Variants in HOXB8 observed in about 807,000 individuals in gnomAD.
HOXB8 encodes homeobox B8.
HOXB8 carries 17 observed loss-of-function variants against 22.2 expected under a neutral mutation model. That is an observed-to-expected ratio of 0.77 (90% CI 0.53 to 1.15). The LOEUF (loss-of-function observed/expected upper bound fraction) is 1.15, where lower values mean the gene tolerates loss of function less well. Ranked by LOEUF, HOXB8 falls within the 50% of genes most tolerant of loss-of-function variation. HOXB8 has a pLI of 0.00. For synonymous variants in HOXB8, 156 were observed against 144.6 expected, an observed-to-expected ratio of 1.08 and a Z score of -0.57; for missense variants, 287 against 323.8, an observed-to-expected ratio of 0.89 and a Z score of 0.87.
chr17:48,613,643 C>T, intron 1 of HOXB8, 134 bp from the exon 2 acceptor site: 2 of 304,172 alleles, frequency 6.6e-6, no homozygotes, highest in East Asian at 5.7e-5. Flanking sequence ...CTACCCCGTG[C>T]GGGGGCGGGG....
chr17:48,614,433 A>T lies in HOXB8; in HGVS notation c.272T>A (p.Leu91Gln). The T allele has an allele frequency of 1.2e-6, 2 of 1,613,924 alleles. No homozygotes were observed. Among genetic ancestry groups the T allele is most frequent in the Non-Finnish European group, 1.7e-6 (2 of 1,179,884 alleles). Reference protein sequence around the residue: ...DPGNFYGYDPLQRQSLFGAQD... With the variant: ...DPGNFYGYDPQQRQSLFGAQD... ...CGCACCGAATAGGCTCTGGCGTTGC[A>T]GCGGGTCGTAGCCGTAGAAATTGCC... The change falls in exon 1 of 2, where the codon CTG (leucine) becomes CAG (glutamine). Residue 91 changes from leucine to glutamine, a missense_variant. Physicochemically the swap from Leu to Gln is moderately radical, Grantham distance 113. This residue lies in a region of HOXB8 where 229 missense variants were observed against 239.8 expected (regional missense o/e 0.95). Transcript: ENST00000239144. The surrounding 1 kb of genome is among the most constrained non-coding windows in gnomAD (Gnocchi z 4.1).
At chr17:48,613,545 G>A (rs373079886) in intron 1 of HOXB8, 36 bp from the exon 2 acceptor site, 2 of 1,022,142 alleles carry the variant, frequency 2.0e-6, no homozygotes, top group African/African-American at 1.6e-5. Flanking sequence ...AGAGGGGAGG[G>A]GAGGGTGGGG....
chr17:48,613,269 T>A lies in HOXB8; in HGVS notation c.665A>T (p.Lys222Ile). ...CTCTGGGGCCCGCTCCAGCTTCTGT[T>A]TCTCCAGCTCCTCCTGCTCGCATTT... is the stretch of plus-strand genomic sequence containing the variant. Reference protein sequence around the residue: ...SSKCEQEELEKQKLERAPEAA... With the variant: ...SSKCEQEELEIQKLERAPEAA... Residue 222 changes from lysine to isoleucine, a missense_variant, in exon 2 of 2, where the codon AAA becomes ATA. By Grantham distance (102) the Lys-to-Ile change is moderately radical. Coordinates refer to ENST00000239144, the MANE Select transcript of HOXB8 (RefSeq NM_024016.4). 2.5e-6 allele frequency: 4 copies of A among 1,613,808 alleles called. No individual in the cohort carries two copies. The South Asian group carries it at 4.4e-5, about 18-fold the overall frequency.
In HOXB8 at chr17:48,613,286, C is replaced by A; in HGVS notation, c.648G>T (p.Glu216Asp). ...GCTTCTGTTTCTCCAGCTCCTCCTG[C>A]TCGCATTTGCTGCTGGGGAACTTGT... Reference protein sequence around the residue: ...NKDKFPSSKCEQEELEKQKLE... With the variant: ...NKDKFPSSKCDQEELEKQKLE... Residue 216 changes from glutamate to aspartate, a missense_variant, in exon 2 of 2, where the codon GAG becomes GAT. Physicochemically the swap from Glu to Asp is conservative, Grantham distance 45. Coordinates refer to ENST00000239144, the MANE Select transcript of HOXB8 (RefSeq NM_024016.4). 1 of 1,614,066 alleles carries A rather than the reference C, an allele frequency of 6.2e-7. No individual in the cohort carries two copies. Among genetic ancestry groups the A allele is most frequent in the African/African-American group, 1.3e-5 (1 of 75,020 alleles).
chr17:48,613,890 C>A (rs1274341523), intron 1 of HOXB8, among the ~76,000 whole-genome samples: 1 of 152,036 alleles, frequency 6.6e-6, no homozygotes, highest in Non-Finnish European at 1.5e-5. Context: ...CTTGAAAAGC[C>A]CCCAGAGCCT....
In HOXB8 at chr17:48,613,135, C is replaced by T. The variant is rs970577837; in HGVS notation, c.*67G>A. On this transcript the variant is annotated 3_prime_UTR_variant, in exon 2 of 2. Transcript: ENST00000239144. ...CAGAGCTCTCTCGGGCAGGGGCGCG[C>T]GGCGGCGGCGCGGCCGGGACCCGCG... is the stretch of plus-strand genomic sequence containing the variant. 1.3e-4 allele frequency: 142 copies of T among 1,113,278 alleles called. No individual in the cohort carries two copies. In the African/African-American group the frequency reaches 2.2e-3, roughly 17 times the overall value. The allele number at this position is 1,113,278 out of a possible 1,614,324, so 69.0% of individuals were successfully genotyped here.
Position 48,613,255 on chromosome 17 carries a change from G to T in HOXB8, c.679C>A (p.Arg227=), listed in dbSNP as rs373819933. 19 of 1,613,450 alleles carry T rather than the reference G, an allele frequency of 1.2e-5. No homozygotes were observed. The African/African-American group carries it at 1.6e-4, about 14-fold the overall frequency. Residue 227 remains arginine, a synonymous_variant, in exon 2 of 2, where the codon CGG becomes AGG. Transcript: ENST00000239144. ...CCCTCGTCCGCCGCCTCTGGGGCCC[G>T]CTCCAGCTTCTGTTTCTCCAGCTCC... ...QEELEKQKLE[R]APEAADEGDA...
chr17:48,613,234 C>T lies in HOXB8; in HGVS notation c.700G>A (p.Glu234Lys), dbSNP rs757836046. Residue 234 changes from glutamate to lysine, a missense_variant, in exon 2 of 2, where the codon GAG becomes AAG. Glu to Lys is a moderately conservative substitution (Grantham distance 56, BLOSUM62 1). Transcript: ENST00000239144. ...TTGTCGCCCTTCTGCGCGTCGCCCT[C>T]GTCCGCCGCCTCTGGGGCCCGCTCC... is the stretch of plus-strand genomic sequence containing the variant. ...KLERAPEAAD[E>K]GDAQKGDKK The T allele has an allele frequency of 3.1e-6, 5 of 1,612,828 alleles. No individual in the cohort carries two copies. Among genetic ancestry groups the T allele is most frequent in the Non-Finnish European group, 3.4e-6 (4 of 1,179,290 alleles).
rs1226225511 is a variant in HOXB8, at chr17:48,614,713, A to C, written c.-9T>G. 8.7e-7 allele frequency: 1 copy of C among 1,148,064 alleles called. No individual in the cohort carries two copies. The highest frequency in any genetic ancestry group is 2.1e-5 in the African/African-American group (1 of 48,304). 71.1% of individuals were successfully genotyped at this position (1,148,064 alleles called of 1,614,324 possible). A position where few individuals can be genotyped will look rare whatever the true frequency, so the allele number is the denominator to read the frequency against. The stretch of plus-strand genomic sequence containing the variant: ...ACGAAATAAGAGCTCATTTTATTGA[A>C]TTTTGAGGCGGCGGCGGCGGCGGAG... On this transcript the variant is annotated 5_prime_UTR_variant, in exon 1 of 2. Transcript: ENST00000239144. This position sits in a 1 kb window ranked among gnomAD's most constrained non-coding sequence, Gnocchi z 4.1.
rs755238585 is a variant in HOXB8, at chr17:48,613,508, T to C, written c.426A>G (p.Ala142=). ...TQLFPWMRPQ[A]AAGRRRGRQT... is the part of the protein sequence containing the mutation. ...GTCGGCCTCGCCTGCGTCCGGCGGCTGCTGGGAATGGGGGAAAGGGCGAGA... is the reference window on the plus strand; with the variant it reads ...GTCGGCCTCGCCTGCGTCCGGCGGCCGCTGGGAATGGGGGAAAGGGCGAGA... The change falls in exon 2 of 2, where the codon GCA becomes GCG. Residue 142 remains alanine (A), a splice_region_variant and synonymous_variant. Coordinates refer to ENST00000239144, the MANE Select transcript of HOXB8 (RefSeq NM_024016.4). The C allele has an allele frequency of 1.8e-6, 2 of 1,090,150 alleles. No homozygotes were observed. Among genetic ancestry groups the C allele is most frequent in the Non-Finnish European group, 2.3e-6 (2 of 877,792 alleles). The allele number at this position is 1,090,150 out of a possible 1,614,324, so 67.5% of individuals were successfully genotyped here.
In HOXB8 at chr17:48,614,507, C is replaced by G; in HGVS notation, c.198G>C (p.Thr66=). 1.9e-5 allele frequency: 31 copies of G among 1,613,968 alleles called. No individual in the cohort carries two copies. The highest frequency in any genetic ancestry group is 2.5e-5 in the Non-Finnish European group (30 of 1,179,940). The change falls in exon 1 of 2, where the codon ACG becomes ACC. Residue 66 remains threonine, a synonymous_variant. Coordinates refer to ENST00000239144, the MANE Select transcript of HOXB8 (RefSeq NM_024016.4). The surrounding 1 kb of genome is among the most constrained non-coding windows in gnomAD (Gnocchi z 4.1). ...EFYHGPSSLS[T]APYQQNPCAV... ...CGCACGGGTTCTGCTGGTAGGGAGCCGTGGACAGCGACGACGGCCCGTGGT... is the reference window on the plus strand; with the variant it reads ...CGCACGGGTTCTGCTGGTAGGGAGCGGTGGACAGCGACGACGGCCCGTGGT...
At position 48,614,321 on chromosome 17, in the gene HOXB8, G is replaced by C; in HGVS notation, c.384C>G (p.Ser128Arg). ...LGEEAEGSEQSPSPTQLFPWM... is the reference protein window; with the variant it reads ...LGEEAEGSEQRPSPTQLFPWM... ...AGGGGAAGAGCTGTGTGGGCGACGG[G>C]CTCTGCTCGGAGCCCTCGGCCTCCT... The change falls in exon 1 of 2, where the codon AGC (serine) becomes AGG (arginine). Residue 128 changes from serine to arginine, a missense_variant. Physicochemically the swap from Ser to Arg is moderately radical, Grantham distance 110 (BLOSUM62 -1). Coordinates refer to ENST00000239144, the MANE Select transcript of HOXB8 (RefSeq NM_024016.4). The surrounding 1 kb of genome is among the most constrained non-coding windows in gnomAD (Gnocchi z 4.1). 6.4e-7 allele frequency: 1 copy of C among 1,571,316 alleles called. No homozygotes were observed. The highest frequency in any genetic ancestry group is 8.6e-7 in the Non-Finnish European group (1 of 1,167,272).
Position 48,614,213 on chromosome 17 carries a change from C to T in HOXB8, c.424+68G>A. 4.5e-6 allele frequency: 1 copy of T among 221,778 alleles called. No individual in the cohort carries two copies. Among genetic ancestry groups the T allele is most frequent in the Non-Finnish European group, 8.0e-6 (1 of 125,084 alleles). 13.7% of individuals were successfully genotyped at this position (221,778 alleles called of 1,614,324 possible). A position where few individuals can be genotyped will look rare whatever the true frequency, so the allele number is the denominator to read the frequency against. On this transcript the variant is annotated intron_variant, in intron 1 of 1. Coordinates refer to ENST00000239144, the MANE Select transcript of HOXB8 (RefSeq NM_024016.4). The surrounding 1 kb of genome is among the most constrained non-coding windows in gnomAD (Gnocchi z 4.1). Reference sequence around the variant, plus strand: ...TCTTCCAGAAGCTGGAGGAAATGCGCCCCGGCCTGCCAGGCCTTGGGCCCT... The same window carrying T: ...TCTTCCAGAAGCTGGAGGAAATGCGTCCCGGCCTGCCAGGCCTTGGGCCCT...
chr17:48,614,212 G>C lies in HOXB8; in HGVS notation c.424+69C>G, dbSNP rs1050030331. ...GTCTTCCAGAAGCTGGAGGAAATGC[G>C]CCCCGGCCTGCCAGGCCTTGGGCCC... On this transcript the variant is annotated intron_variant, in intron 1 of 1. Transcript: ENST00000239144. The surrounding 1 kb of genome is among the most constrained non-coding windows in gnomAD (Gnocchi z 4.1). 2.1e-5 allele frequency: 5 copies of C among 234,948 alleles called. No homozygotes were observed. Among genetic ancestry groups the C allele is most frequent in the African/African-American group, 1.1e-4 (4 of 36,948 alleles). 14.6% of individuals were successfully genotyped at this position (234,948 alleles called of 1,614,324 possible).
Position 48,612,781 on chromosome 17 carries a change from ATGT to A in HOXB8, c.*418_*420del, listed in dbSNP as rs1378275560. 2.0e-5 allele frequency: 3 copies of A among 152,490 alleles called. No homozygotes were observed. Among genetic ancestry groups the A allele is most frequent in the African/African-American group, 4.8e-5 (2 of 41,314 alleles). The allele number at this position is 152,490 out of a possible 1,614,324, so 9.4% of individuals were successfully genotyped here. ...AATTACGGCGTGAATAGGCAGTTTC[ATGT>A]TGTTGGGAGAACTTAGCAGAAATCG... On this transcript the variant is annotated 3_prime_UTR_variant, in exon 2 of 2. Transcript: ENST00000239144.
chr17:48,614,984 T>G lies in HOXB8; in HGVS notation c.-280A>C. ...TCTAAGCTTGCATGGCAGCCGCGGC[T>G]CGCTCGCCCTCCCCCCACCCCCCAC... is the stretch of plus-strand genomic sequence containing the variant. On this transcript the variant is annotated 5_prime_UTR_variant, in exon 1 of 2. Coordinates refer to ENST00000239144, the MANE Select transcript of HOXB8 (RefSeq NM_024016.4). This position sits in a 1 kb window ranked among gnomAD's most constrained non-coding sequence, Gnocchi z 4.1. 9 of 277,176 alleles carry G rather than the reference T, an allele frequency of 3.2e-5. No homozygotes were observed. Among genetic ancestry groups the G allele is most frequent in the Non-Finnish European group, 5.3e-5 (8 of 150,250 alleles). 17.2% of individuals were successfully genotyped at this position (277,176 alleles called of 1,614,324 possible).
In HOXB8 at chr17:48,613,146, C is replaced by G. The variant is rs981448693; in HGVS notation, c.*56G>C. On this transcript the variant is annotated 3_prime_UTR_variant, in exon 2 of 2. Coordinates refer to ENST00000239144, the MANE Select transcript of HOXB8 (RefSeq NM_024016.4). The stretch of plus-strand genomic sequence containing the variant: ...CGGGCAGGGGCGCGCGGCGGCGGCG[C>G]GGCCGGGACCCGCGGACGTGCGGGC... 4 of 1,227,072 alleles carry G rather than the reference C, an allele frequency of 3.3e-6. No individual in the cohort carries two copies. The highest frequency in any genetic ancestry group is 4.1e-6 in the Non-Finnish European group (4 of 974,958). 76.0% of individuals were successfully genotyped at this position (1,227,072 alleles called of 1,614,324 possible).
At chr17:48,613,563 C>T in intron 1 of HOXB8, 54 bp from the exon 2 acceptor site, 1 of 746,870 alleles carries the variant, frequency 1.3e-6, no homozygotes, top group Non-Finnish European at 2.1e-6. Context: ...GGGGAGGGGG[C>T]AGGGACGGAG....
chr17:48,614,212 GC>G lies in HOXB8; in HGVS notation c.424+68del, dbSNP rs1269416471. 2 of 234,884 alleles carry G rather than the reference GC, an allele frequency of 8.5e-6. No homozygotes were observed. The highest frequency in any genetic ancestry group is 2.7e-5 in the African/African-American group (1 of 36,876). 14.5% of individuals were successfully genotyped at this position (234,884 alleles called of 1,614,324 possible). On this transcript the variant is annotated intron_variant, in intron 1 of 1. Coordinates refer to ENST00000239144, the MANE Select transcript of HOXB8 (RefSeq NM_024016.4). The surrounding 1 kb of genome is among the most constrained non-coding windows in gnomAD (Gnocchi z 4.1). Reference sequence around the variant, plus strand: ...GTCTTCCAGAAGCTGGAGGAAATGCGCCCCGGCCTGCCAGGCCTTGGGCCCT... The same window carrying G: ...GTCTTCCAGAAGCTGGAGGAAATGCGCCCGGCCTGCCAGGCCTTGGGCCCT...
Sources: allele counts gnomAD v4.1 joint callset (sites outside exome capture counted in the v4.1 genomes callset), GRCh38; gene constraint gnomAD v4.1.1; regional missense constraint gnomAD v4.1.1; non-coding constraint Gnocchi (gnomAD v3.1); transcripts MANE v1.5; gene names NCBI Gene and HGNC (gene_info 2026-07-23, HGNC 2026-07-21).